The following SPOCK3 variants were observed in gnomAD, a reference collection of about 807,000 sequenced individuals.
SPOCK3 encodes the protein testican-3.
A neutral mutation model predicts 56.6 loss-of-function variants in SPOCK3; 30 were observed. The observed-to-expected ratio is 0.53, with a 90% CI of 0.40 to 0.72. SPOCK3 has a LOEUF of 0.72. SPOCK3 is among the 30% of genes least tolerant of loss of function. The pLI is 0.00. For missense variants in SPOCK3, 527 were observed against 530.0 expected, an observed-to-expected ratio of 0.99 and a Z score of 0.06; for synonymous variants, 196 against 183.3, an observed-to-expected ratio of 1.07 and a Z score of -0.56.
chr4:167,040,613 A>C (rs1000603061), intron 3 of SPOCK3, among the ~76,000 whole-genome samples: 2 of 152,174 alleles, frequency 1.3e-5, no homozygotes, highest in African/African-American at 4.8e-5. Context: ...CCCCCAACAT[A>C]TTTTTGTAAA....
At chr4:167,124,914 C>G (rs1362359316) in intron 2 of SPOCK3, among the ~76,000 whole-genome samples, 1 of 152,156 alleles carries the variant, frequency 6.6e-6, no homozygotes, top group South Asian at 2.1e-4. Context: ...GGTCTTGGCT[C>G]TCATTGGGCC....
intron 2 of SPOCK3, among the ~76,000 whole-genome samples, chr4:167,188,158 G>T (rs1256047283): frequency 6.8e-6 from 1 of 146,170 alleles, no homozygotes. Flanking sequence ...ATGCACGAAA[G>T]GTATATATGG....
chr4:166,904,496 A>C (rs921003946), intron 5 of SPOCK3, among the ~76,000 whole-genome samples: 1 of 152,068 alleles, frequency 6.6e-6, no homozygotes, highest in African/African-American at 2.4e-5. Context: ...TTACCTAGAA[A>C]CTTTTTGAGT....
At chr4:166,828,596 A>T (rs957306352) in intron 6 of SPOCK3, among the ~76,000 whole-genome samples, 3 of 152,044 alleles carry the variant, frequency 2.0e-5, no homozygotes, top group African/African-American at 7.2e-5. Flanking sequence ...ATTATCATAG[A>T]GTTTAACCAT....
chr4:167,223,000 A>C (rs1434607949), intron 2 of SPOCK3, among the ~76,000 whole-genome samples: 2 of 125,132 alleles, frequency 1.6e-5, no homozygotes, highest in African/African-American at 3.2e-5. Context: ...TTATATATGA[A>C]TATATATTTT....
chr4:166,994,723 A>AT lies in SPOCK3; in HGVS notation c.350+5625dup, dbSNP rs1748174180. Reference sequence around the variant, plus strand: ...AACATGCTTTCTGTTTTTGTAATGCATAACACCTAATATAAACCCTGACCA... The same window carrying AT: ...AACATGCTTTCTGTTTTTGTAATGCATTAACACCTAATATAAACCCTGACCA... On this transcript the variant is annotated intron_variant, in intron 4 of 10. Coordinates refer to ENST00000357545, the MANE Select transcript of SPOCK3 (RefSeq NM_001040159.2). Among the ~76,000 whole-genome samples, 3 of 152,282 alleles carry AT rather than the reference A, an allele frequency of 2.0e-5. No homozygotes were observed. In the East Asian group the frequency reaches 5.8e-4, roughly 29 times the overall value.
chr4:167,170,506 T>A (rs557675690), intron 2 of SPOCK3, among the ~76,000 whole-genome samples: 1 of 152,156 alleles, frequency 6.6e-6, no homozygotes, highest in Non-Finnish European at 1.5e-5. Flanking sequence ...CTAATCTAGA[T>A]ACTTTACTTG....
At chr4:167,062,592 T>A (rs775798384) in intron 2 of SPOCK3, 55 bp from the exon 3 acceptor site, 12 of 1,378,532 alleles carry the variant, frequency 8.7e-6, no homozygotes, top group Non-Finnish European at 1.1e-5. Context: ...AACGCAAGGG[T>A]TCATATAAAA....
intron 4 of SPOCK3, among the ~76,000 whole-genome samples, chr4:166,994,565 C>T (rs1748157912): frequency 2.0e-5 from 3 of 152,124 alleles, no homozygotes; most frequent in African/African-American, 7.2e-5. Context: ...TAAAGGACCA[C>T]GAGAAGGATT....
intron 4 of SPOCK3, among the ~76,000 whole-genome samples, chr4:166,973,019 T>C (rs1409762568): frequency 1.3e-5 from 2 of 152,114 alleles, no homozygotes; most frequent in Non-Finnish European, 2.9e-5. Flanking sequence ...CGAAATCTCA[T>C]CTTAAACTGT....
chr4:166,835,634 C>T (rs12640605), intron 6 of SPOCK3, among the ~76,000 whole-genome samples: 111,823 of 151,954 alleles, frequency 0.74, 41,225 homozygotes, highest in East Asian at 0.81. Context: ...TTTGTGGGTT[C>T]TAAACGTTGT....
intron 6 of SPOCK3, among the ~76,000 whole-genome samples, chr4:166,864,361 C>T (rs1449313749): frequency 6.6e-6 from 1 of 152,046 alleles, no homozygotes; most frequent in Admixed American, 6.6e-5. Flanking sequence ...CTGGACATCA[C>T]GGTTAAAAGA....
At chr4:167,117,946 C>G (rs1440319239) in intron 2 of SPOCK3, among the ~76,000 whole-genome samples, 8 of 152,156 alleles carry the variant, frequency 5.3e-5, no homozygotes, top group Admixed American at 5.2e-4. Context: ...TTTGGTAGCA[C>G]AGCAGAAAAA....
At chr4:167,012,321 A>G (rs936242443) in intron 3 of SPOCK3, among the ~76,000 whole-genome samples, 2 of 152,100 alleles carry the variant, frequency 1.3e-5, no homozygotes, top group East Asian at 1.9e-4. Flanking sequence ...AAAAAGTTGT[A>G]TATGTAAAAA....
chr4:167,154,605 T>C (rs1449772295), intron 2 of SPOCK3, among the ~76,000 whole-genome samples: 2 of 152,192 alleles, frequency 1.3e-5, no homozygotes, highest in Non-Finnish European at 2.9e-5. Flanking sequence ...TTCTTCAACA[T>C]TCATTTCCGG....
intron 3 of SPOCK3, among the ~76,000 whole-genome samples, chr4:167,002,374 C>T (rs1487852668): frequency 6.6e-6 from 1 of 151,606 alleles, no homozygotes; most frequent in Non-Finnish European, 1.5e-5. Context: ...TTTACATAAC[C>T]ATGAGATTTA....
At chr4:166,742,836 T>C (rs1047359541) in intron 8 of SPOCK3, among the ~76,000 whole-genome samples, 5 of 152,130 alleles carry the variant, frequency 3.3e-5, no homozygotes, top group African/African-American at 1.2e-4. Context: ...AGTCACAATA[T>C]AGTTTGCCTT....
intron 4 of SPOCK3, among the ~76,000 whole-genome samples, chr4:166,970,959 C>A (rs1423181755): frequency 6.6e-6 from 1 of 152,158 alleles, no homozygotes; most frequent in Non-Finnish European, 1.5e-5. Context: ...AACCCCTGTA[C>A]TCAAGGGATC....
At chr4:167,159,173 A>G (rs910425043) in intron 2 of SPOCK3, among the ~76,000 whole-genome samples, 1 of 152,020 alleles carries the variant, frequency 6.6e-6, no homozygotes, top group African/African-American at 2.4e-5. Flanking sequence ...CTAAAAAGTA[A>G]TAACTATCTC....
Sources: allele counts gnomAD v4.1 joint callset (sites outside exome capture counted in the v4.1 genomes callset), GRCh38; gene constraint gnomAD v4.1.1; transcripts MANE v1.5; gene names NCBI Gene and HGNC (gene_info 2026-07-23, HGNC 2026-07-21).